CCSER1: variants seen among roughly 807,000 people sequenced by gnomAD.
CCSER1 encodes coiled-coil serine rich protein 1, also known as serine-rich coiled-coil domain-containing protein 1.
Under a neutral mutation model 82.0 loss-of-function variants are expected in CCSER1, and 41 were observed. That is an observed-to-expected ratio of 0.50 (90% confidence interval 0.39 to 0.65). The LOEUF (loss-of-function observed/expected upper bound fraction) is 0.65. Among genes scored for constraint, CCSER1 ranks in the 30% least tolerant of loss-of-function variants. The pLI is 0.00. For missense variants in CCSER1, 1,119 were observed against 1,064.2 expected (o/e 1.05, Z -0.72); for synonymous variants, 414 against 383.9 (o/e 1.08, Z -0.92).
intron 1 of CCSER1, among the ~76,000 whole-genome samples, chr4:90,229,576 A>C (rs1344122375): frequency 1.3e-5 from 2 of 152,080 alleles, no homozygotes; most frequent in Non-Finnish European, 1.5e-5. Flanking sequence ...TGAGCAAAAT[A>C]ACCAGCTAAC....
At chr4:91,424,001 CTTTTTT>C (rs1167472932) in intron 10 of CCSER1, among the ~76,000 whole-genome samples, 38 of 77,470 alleles carry the variant, frequency 4.9e-4, no homozygotes, top group African/African-American at 1.9e-3. Context: ...CTCAGCAGAT[CTTTTTT>C]TTTTTTTTTT....
At chr4:90,444,355 G>A (rs1760329249) in intron 4 of CCSER1, among the ~76,000 whole-genome samples, 1 of 152,014 alleles carries the variant, frequency 6.6e-6, no homozygotes, top group Non-Finnish European at 1.5e-5. Context: ...AAGCTAGAAT[G>A]CACCCACACG....
chr4:90,347,949 G>A (rs1291780844), intron 3 of CCSER1, among the ~76,000 whole-genome samples: 1 of 152,144 alleles, frequency 6.6e-6, no homozygotes, highest in African/African-American at 2.4e-5. Context: ...AAAAGAACAA[G>A]ATCATGTTCT....
At chr4:90,919,869 A>G (rs1728119638) in intron 8 of CCSER1, among the ~76,000 whole-genome samples, 1 of 151,972 alleles carries the variant, frequency 6.6e-6, no homozygotes, top group Non-Finnish European at 1.5e-5. Flanking sequence ...ATAATATGCT[A>G]GCCTTTTTTG....
rs779227303 is a variant in CCSER1, at chr4:91,598,909, C to T, written c.2555C>T (p.Thr852Met). 21 of 1,551,470 alleles carry T rather than the reference C, an allele frequency of 1.4e-5. No homozygotes were observed. In the African/African-American group the frequency reaches 1.4e-4, roughly 10 times the overall value. The change falls in exon 11 of 11, where the codon ACG becomes ATG. Residue 852 changes from threonine to methionine, a missense_variant. By Grantham distance (81) the Thr-to-Met change is moderately conservative. Transcript: ENST00000509176. ...GAGAAACCAAAGGACCAAGTTGCTA[C>T]GGCCCGACAGCATTCGACCTTTACA... ...FLEKPKDQVA[T>M]ARQHSTFTGR...
intron 10 of CCSER1, among the ~76,000 whole-genome samples, chr4:91,143,348 C>T (rs1304494544): frequency 6.6e-6 from 1 of 151,888 alleles, no homozygotes; most frequent in South Asian, 2.1e-4. Flanking sequence ...TGAAACTTTA[C>T]TGAAGTTGTT....
chr4:90,902,129 A>C (rs1369238609), intron 8 of CCSER1, among the ~76,000 whole-genome samples: 1 of 151,844 alleles, frequency 6.6e-6, no homozygotes, highest in Admixed American at 6.6e-5. Context: ...TCAATACTAT[A>C]AGTTCTATTT....
chr4:90,494,029 G>A (rs1002846465), intron 5 of CCSER1, among the ~76,000 whole-genome samples: 1 of 152,158 alleles, frequency 6.6e-6, no homozygotes, highest in African/African-American at 2.4e-5. Flanking sequence ...CATCTCATGT[G>A]CAGAGACACA....
At chr4:91,001,358 C>G (rs575976448) in intron 9 of CCSER1, among the ~76,000 whole-genome samples, 1 of 151,966 alleles carries the variant, frequency 6.6e-6, no homozygotes, top group Non-Finnish European at 1.5e-5. Flanking sequence ...GGGATATTGA[C>G]CTATAGTTTT....
At chr4:91,181,810 G>A (rs185240286) in intron 10 of CCSER1, among the ~76,000 whole-genome samples, 3 of 152,150 alleles carry the variant, frequency 2.0e-5, no homozygotes, top group Admixed American at 6.6e-5. Context: ...TTTTGAGGGC[G>A]ATATGCCTCA....
intron 10 of CCSER1, among the ~76,000 whole-genome samples, chr4:91,466,361 A>C (rs186768341): frequency 6.6e-6 from 1 of 152,300 alleles, no homozygotes; most frequent in East Asian, 1.9e-4. Context: ...ACTCAAAATA[A>C]TAAGAGCTAT....
chr4:91,147,638 G>T (rs1581645676), intron 10 of CCSER1, among the ~76,000 whole-genome samples: 1 of 152,154 alleles, frequency 6.6e-6, no homozygotes, highest in Non-Finnish European at 1.5e-5. Flanking sequence ...TTATTTTCTG[G>T]CCCCTTAGGG....
intron 6 of CCSER1, among the ~76,000 whole-genome samples, chr4:90,652,151 C>A (rs1004907118): frequency 2.6e-5 from 4 of 152,018 alleles, no homozygotes; most frequent in African/African-American, 9.7e-5. Context: ...TTTCCTGTAG[C>A]AATTTAATTT....
intron 8 of CCSER1, among the ~76,000 whole-genome samples, chr4:90,854,292 A>C (rs1447887087): frequency 6.6e-6 from 1 of 152,194 alleles, no homozygotes; most frequent in Non-Finnish European, 1.5e-5. Flanking sequence ...CAAATCCTGG[A>C]TAAGGATAGT....
chr4:90,246,530 C>T (rs1463319846), intron 1 of CCSER1, among the ~76,000 whole-genome samples: 2 of 152,034 alleles, frequency 1.3e-5, no homozygotes, highest in East Asian at 1.9e-4. Context: ...TGGCTTTTGT[C>T]GGAACTCTTT....
At chr4:90,320,307 T>C (rs1736905160) in intron 3 of CCSER1, among the ~76,000 whole-genome samples, 1 of 152,216 alleles carries the variant, frequency 6.6e-6, no homozygotes, top group South Asian at 2.1e-4. Flanking sequence ...AAGAATTGTG[T>C]GTGGAGTGCT....
At chr4:90,190,784 A>G (rs79342139) in intron 1 of CCSER1, among the ~76,000 whole-genome samples, 2,157 of 152,168 alleles carry the variant, frequency 0.014, 62 homozygotes, top group African/African-American at 0.049. Flanking sequence ...TTCTTTGGGC[A>G]AGATGCTAGG....
intron 5 of CCSER1, among the ~76,000 whole-genome samples, chr4:90,559,783 C>G (rs395333): frequency 5.5e-5 from 7 of 128,284 alleles, no homozygotes; most frequent in African/African-American, 1.3e-4. Flanking sequence ...GCACTCCAGC[C>G]TGGGAGACAG....
intron 1 of CCSER1, among the ~76,000 whole-genome samples, chr4:90,169,380 AG>A (rs762071912): frequency 1.8e-4 from 28 of 152,240 alleles, no homozygotes; most frequent in Non-Finnish European, 3.2e-4. Flanking sequence ...TTTTGGGCTG[AG>A]ACGATGGGGT....
Sources: allele counts gnomAD v4.1 joint callset (sites outside exome capture counted in the v4.1 genomes callset), GRCh38; gene constraint gnomAD v4.1.1; transcripts MANE v1.5; gene names NCBI Gene and HGNC (gene_info 2026-07-23, HGNC 2026-07-21).